XPNPEP1: variants seen among roughly 807,000 people sequenced by gnomAD.
XPNPEP1 encodes the protein xaa-Pro aminopeptidase 1.
A neutral mutation model predicts 92.4 loss-of-function variants in XPNPEP1; 39 were observed. That is an observed-to-expected ratio of 0.42 (90% CI 0.33 to 0.55). The LOEUF (loss-of-function observed/expected upper bound fraction) is 0.55. XPNPEP1 is among the 20% of genes least tolerant of loss of function. The pLI, the probability that XPNPEP1 is intolerant of heterozygous loss-of-function variation, is 0.08. For synonymous variants in XPNPEP1, 307 were observed against 299.4 expected (o/e 1.03, Z -0.26); for missense variants, 654 against 856.1 (o/e 0.76, Z 2.95).
chr10:109,873,682 G>C (rs1847614714), intron 15 of XPNPEP1: 3 of 488,558 alleles, frequency 6.1e-6, no homozygotes, highest in Non-Finnish European at 7.4e-6. Context: ...TGTACATGAA[G>C]GTTCACAGCC....
At chr10:109,889,068 G>A (rs1475860378) in intron 5 of XPNPEP1, among the ~76,000 whole-genome samples, 1 of 152,236 alleles carries the variant, frequency 6.6e-6, no homozygotes, top group African/African-American at 2.4e-5. Context: ...TCATCTGCAA[G>A]GGCAGGGTGG....
At chr10:109,887,226 G>T (rs1041435429) in intron 7 of XPNPEP1, among the ~76,000 whole-genome samples, 2 of 152,118 alleles carry the variant, frequency 1.3e-5, no homozygotes, top group Non-Finnish European at 2.9e-5. Context: ...TTCAAACCAC[G>T]CTGATGGAAA....
In XPNPEP1 at chr10:109,891,840, G is replaced by GA. The variant is rs772498514; in HGVS notation, c.311-15dup. On this transcript the variant is annotated splice_polypyrimidine_tract_variant and intron_variant, in intron 4 of 20. Coordinates refer to ENST00000502935, the MANE Select transcript of XPNPEP1 (RefSeq NM_020383.4). ...TGATGGCTGTGCCTGAAGCAGGGGA[G>GA]AAAAAAAAAAGAAGAAGAAAGGTTT... is the stretch of plus-strand genomic sequence containing the variant. 6,468 of 1,387,652 alleles carry GA rather than the reference G, an allele frequency of 4.7e-3. No individual in the cohort carries two copies. The highest frequency in any genetic ancestry group is 5.6e-3 in the Admixed American group (278 of 49,644). The allele number at this position is 1,387,652 out of a possible 1,614,324, so 86.0% of individuals were successfully genotyped here.
At chr10:109,883,225 A>G (rs1848204888) in intron 9 of XPNPEP1, among the ~76,000 whole-genome samples, 1 of 152,016 alleles carries the variant, frequency 6.6e-6, no homozygotes. Context: ...TCACTGAACC[A>G]CTTCAGGTCC....
intron 4 of XPNPEP1, among the ~76,000 whole-genome samples, 190 bp from the exon 5 acceptor site, chr10:109,892,016 G>C (rs1472774985): frequency 6.6e-6 from 1 of 152,198 alleles, no homozygotes; most frequent in African/African-American, 2.4e-5. Context: ...TGTGTGTCAA[G>C]CTCTGAAAGA....
intron 5 of XPNPEP1, among the ~76,000 whole-genome samples, chr10:109,890,573 T>TGA (rs1325296851): frequency 2.2e-5 from 2 of 89,676 alleles, no homozygotes; most frequent in African/African-American, 9.6e-5. Context: ...TGTGTGTGTG[T>TGA]GTGTGTGTGT....
In XPNPEP1 at chr10:109,907,718, G is replaced by A. The variant is rs764524746; in HGVS notation, c.219C>T (p.Tyr73=). The change falls in exon 3 of 21, where the codon TAC becomes TAT. Residue 73 remains tyrosine (Y), a synonymous_variant. Coordinates refer to ENST00000502935, the MANE Select transcript of XPNPEP1 (RefSeq NM_020383.4). ...GATGAGCATCTCCCGATGGGATGAT[G>A]TAGGCCTGGATCGGTTCGGTCACAT... The part of the protein sequence containing the change: ...SEYVTEPIQA[Y]IIPSGDAHQS... The A allele has an allele frequency of 1.2e-5, 20 of 1,614,262 alleles. No homozygotes were observed. The South Asian group carries it at 2.0e-4, about 16-fold the overall frequency.
chr10:109,865,794 T>C (rs937888377), intron 20 of XPNPEP1, among the ~76,000 whole-genome samples: 1 of 152,204 alleles, frequency 6.6e-6, no homozygotes, highest in African/African-American at 2.4e-5. Context: ...TGTAGCTGCC[T>C]AGATGAACCC....
In XPNPEP1 at chr10:109,900,648, G is replaced by T. The variant is rs563110251; in HGVS notation, c.246+7043C>A. ...TCCTAACCCCAGTACCCAAGTCCAGGCCCTCTTTACCCCAACTCTGAGATC... is the reference window on the plus strand; with the variant it reads ...TCCTAACCCCAGTACCCAAGTCCAGTCCCTCTTTACCCCAACTCTGAGATC... On this transcript the variant is annotated intron_variant, in intron 3 of 20. Coordinates refer to ENST00000502935, the MANE Select transcript of XPNPEP1 (RefSeq NM_020383.4). Among the ~76,000 whole-genome samples the T allele has an allele frequency of 5.3e-5, 8 of 152,072 alleles. 1 individual carries two copies. The highest frequency in any genetic ancestry group is 1.9e-4 in the African/African-American group (8 of 41,460).
In XPNPEP1 at chr10:109,870,009, C is replaced by T; in HGVS notation, c.1717G>A (p.Gly573Arg). ...TTCTCAATGCGAATTCCAAAAGCCC[C>T]ATCTTCATAGTACCCGGGCTCTAAA... ...VTDEPGYYED[G>R]AFGIRIENVV... is the part of the protein sequence containing the mutation. Residue 573 changes from glycine (G) to arginine (R), a missense_variant, in exon 19 of 21, where the codon GGG becomes AGG. By Grantham distance (125) the Gly-to-Arg change is moderately radical. Transcript: ENST00000502935. 1.9e-6 allele frequency: 3 copies of T among 1,614,132 alleles called. No homozygotes were observed. The highest frequency in any genetic ancestry group is 2.5e-6 in the Non-Finnish European group (3 of 1,180,004).
In XPNPEP1 at chr10:109,864,904, G is replaced by C. The variant is rs1847047419; in HGVS notation, c.*280C>G. The C allele has an allele frequency of 1.9e-5, 8 of 418,558 alleles. No homozygotes were observed. The highest frequency in any genetic ancestry group is 1.7e-4 in the South Asian group (7 of 41,200). The allele number at this position is 418,558 out of a possible 1,614,324, so 25.9% of individuals were successfully genotyped here. On this transcript the variant is annotated 3_prime_UTR_variant, in exon 21 of 21. Transcript: ENST00000502935. ...TCCCCATCACTGGCCAAAGAAGTCG[G>C]GGCATCTTCCTTTCACCAAGTGTTC...
In XPNPEP1 at chr10:109,893,058, T is replaced by C. The variant is rs377579575; in HGVS notation, c.264A>G (p.Pro88=). The C allele has an allele frequency of 1.1e-4, 184 of 1,613,648 alleles. No individual in the cohort carries two copies. Among genetic ancestry groups the C allele is most frequent in the Non-Finnish European group, 1.4e-4 (170 of 1,179,838 alleles). ...GDAHQSEYIA[P]CDCRRAFVSG... ...AGACAAAAGCCCGCCGACAGTCACA[T>C]GGAGCAATATACTCACTCTGGAAAA... is the stretch of plus-strand genomic sequence containing the variant. Residue 88 remains proline, a synonymous_variant, in exon 4 of 21, where the codon CCA becomes CCG. Coordinates refer to ENST00000502935, the MANE Select transcript of XPNPEP1 (RefSeq NM_020383.4).
chr10:109,888,686 G>T, intron 5 of XPNPEP1, 91 bp from the exon 6 acceptor site: 2 of 1,034,236 alleles, frequency 1.9e-6, no homozygotes, highest in Non-Finnish European at 2.7e-6. Flanking sequence ...CATCATGATA[G>T]CAGGGTCTTT....
At chr10:109,903,372 G>C (rs889723261) in intron 3 of XPNPEP1, among the ~76,000 whole-genome samples, 4 of 152,312 alleles carry the variant, frequency 2.6e-5, no homozygotes, top group Non-Finnish European at 5.9e-5. Flanking sequence ...CCCTTTCGGA[G>C]GAGGGCCCCA....
intron 8 of XPNPEP1, among the ~76,000 whole-genome samples, chr10:109,884,770 G>A (rs950136748): frequency 6.6e-6 from 1 of 152,248 alleles, no homozygotes; most frequent in African/African-American, 2.4e-5. Context: ...CGGACAGCCA[G>A]TAACAGTGAT....
At chr10:109,880,412 A>C (rs1446052266) in intron 11 of XPNPEP1, among the ~76,000 whole-genome samples, 174 bp from the exon 12 acceptor site, 2 of 152,192 alleles carry the variant, frequency 1.3e-5, no homozygotes, top group African/African-American at 2.4e-5. Flanking sequence ...AGCAACTCCC[A>C]TTATCAGGGA....
rs911960501 is a variant in XPNPEP1, at chr10:109,882,715, T to C, written c.831-73A>G. The C allele has an allele frequency of 1.1e-5, 16 of 1,499,922 alleles. No individual in the cohort carries two copies. The Admixed American group carries it at 1.6e-4, about 15-fold the overall frequency. The allele number at this position is 1,499,922 out of a possible 1,614,324, so 92.9% of individuals were successfully genotyped here. ...TGAGAGGTGGCAACACAGACACACA[T>C]ACACATCAGGCTCTGTTTCCTGGCA... On this transcript the variant is annotated intron_variant, in intron 9 of 20. Coordinates refer to ENST00000502935, the MANE Select transcript of XPNPEP1 (RefSeq NM_020383.4).
rs536171308 is a variant in XPNPEP1, at chr10:109,864,902, C to A, written c.*282G>T. The stretch of plus-strand genomic sequence containing the variant: ...ATTCCCCATCACTGGCCAAAGAAGT[C>A]GGGGCATCTTCCTTTCACCAAGTGT... On this transcript the variant is annotated 3_prime_UTR_variant, in exon 21 of 21. Transcript: ENST00000502935. 6 of 411,778 alleles carry A rather than the reference C, an allele frequency of 1.5e-5. No individual in the cohort carries two copies. Among genetic ancestry groups the A allele is most frequent in the African/African-American group, 8.1e-5 (4 of 49,528 alleles). 25.5% of individuals were successfully genotyped at this position (411,778 alleles called of 1,614,324 possible).
intron 20 of XPNPEP1, among the ~76,000 whole-genome samples, chr10:109,866,615 G>A (rs1222273839): frequency 6.6e-6 from 1 of 151,914 alleles, no homozygotes; most frequent in Non-Finnish European, 1.5e-5. Flanking sequence ...AGCCTGAGGA[G>A]CAGCACAAGG....
Sources: allele counts gnomAD v4.1 joint callset (sites outside exome capture counted in the v4.1 genomes callset), GRCh38; gene constraint gnomAD v4.1.1; transcripts MANE v1.5; gene names NCBI Gene and HGNC (gene_info 2026-07-23, HGNC 2026-07-21).